The following OTUD7A variants were observed in gnomAD, a reference collection of about 807,000 sequenced individuals.
The protein encoded by OTUD7A is OTU domain-containing protein 7A.
Under a neutral mutation model 65.7 loss-of-function variants are expected in OTUD7A, and 12 were observed. That is an observed-to-expected ratio of 0.18 (90% CI 0.12 to 0.30). The LOEUF (loss-of-function observed/expected upper bound fraction) is 0.30, where lower values mean the gene tolerates loss of function less well. Ranked by LOEUF, OTUD7A falls within the 10% of genes least tolerant of loss-of-function variation. The probability of loss-of-function intolerance (pLI) is 1.00; values close to 1 mark genes in which losing one functional copy is unlikely to be tolerated. For missense variants in OTUD7A, 1,148 were observed against 1,304.8 expected (o/e 0.88, Z 1.85); for synonymous variants, 641 against 586.3 (o/e 1.09, Z -1.35).
At chr15:31,585,377 C>T (rs147771093) in intron 3 of OTUD7A, among the ~76,000 whole-genome samples, 10 of 152,334 alleles carry the variant, frequency 6.6e-5, no homozygotes, top group South Asian at 2.1e-4. Context: ...AGGTTAGCTG[C>T]GAGCAGAAAC....
At chr15:31,715,162 T>G (rs1893551157) in intron 1 of OTUD7A, among the ~76,000 whole-genome samples, 1 of 151,972 alleles carries the variant, frequency 6.6e-6, no homozygotes, top group African/African-American at 2.4e-5. Flanking sequence ...AAGATGTAAA[T>G]TATGTCACAT....
At chr15:31,500,797 T>C (rs912384177) in intron 10 of OTUD7A, among the ~76,000 whole-genome samples, 6 of 152,230 alleles carry the variant, frequency 3.9e-5, no homozygotes, top group African/African-American at 1.2e-4. Context: ...TCTGGGACCA[T>C]ACCTAATGGC....
intron 1 of OTUD7A, among the ~76,000 whole-genome samples, chr15:31,691,384 C>T (rs1480872203): frequency 2.0e-5 from 3 of 152,100 alleles, no homozygotes; most frequent in East Asian, 1.9e-4. Flanking sequence ...GGCATAGAAA[C>T]AGACACATCA....
chr15:31,523,034 A>C (rs2041959457), intron 8 of OTUD7A, among the ~76,000 whole-genome samples: 1 of 152,190 alleles, frequency 6.6e-6, no homozygotes, highest in South Asian at 2.1e-4. Flanking sequence ...GCTGGGATGA[A>C]TAAAGCCACC....
At chr15:31,504,563 C>T (rs942230192) in intron 8 of OTUD7A, among the ~76,000 whole-genome samples, 5 of 152,248 alleles carry the variant, frequency 3.3e-5, no homozygotes, top group African/African-American at 1.2e-4. Context: ...ACAGCCAGAG[C>T]TCACAGCGTT....
At chr15:31,715,257 T>TCA (rs1355731875) in intron 1 of OTUD7A, among the ~76,000 whole-genome samples, 2 of 149,982 alleles carry the variant, frequency 1.3e-5, no homozygotes, top group Non-Finnish European at 3.0e-5. Context: ...CTGTCCTGCC[T>TCA]CACTTCGCTG....
intron 3 of OTUD7A, among the ~76,000 whole-genome samples, chr15:31,619,698 T>C (rs1334324987): frequency 1.3e-5 from 2 of 152,118 alleles, no homozygotes; most frequent in African/African-American, 2.4e-5. Flanking sequence ...AGATATACAA[T>C]CATGTCATCT....
Position 31,518,175 on chromosome 15 carries a change from A to T in OTUD7A, c.893+8174T>A, listed in dbSNP as rs144577288. Among the ~76,000 whole-genome samples the T allele has an allele frequency of 3.3e-5, 5 of 152,178 alleles. No homozygotes were observed. In the East Asian group the frequency reaches 5.8e-4, roughly 18 times the overall value. On this transcript the variant is annotated intron_variant, in intron 8 of 12. Coordinates refer to ENST00000307050, the MANE Select transcript of OTUD7A (RefSeq NM_001382637.1). ...GTTGGTTTTTGGTGTACCCTTCCAT[A>T]AAAAAAGTAAGTGCAAGGCCAGGTG... is the stretch of plus-strand genomic sequence containing the variant.
At chr15:31,859,503 T>C (rs1256843643) in intron 1 of OTUD7A, among the ~76,000 whole-genome samples, 3 of 152,258 alleles carry the variant, frequency 2.0e-5, no homozygotes, top group Non-Finnish European at 4.4e-5. Context: ...GTAAAGGTTC[T>C]ACCAGTTCAC....
At chr15:31,518,501 G>A (rs2141108276) in intron 8 of OTUD7A, among the ~76,000 whole-genome samples, 1 of 152,170 alleles carries the variant, frequency 6.6e-6, no homozygotes, top group Admixed American at 6.5e-5. Context: ...GTGCACATCT[G>A]TGTGCACACA....
chr15:31,683,840 T>C (rs904680195), intron 1 of OTUD7A, among the ~76,000 whole-genome samples: 4 of 152,104 alleles, frequency 2.6e-5, no homozygotes, highest in African/African-American at 9.7e-5. Context: ...TTTTAAAAGG[T>C]TGGTTCTGAA....
At chr15:31,559,298 T>TTCA in intron 4 of OTUD7A, 111 bp from the exon 5 acceptor site, 1 of 1,033,258 alleles carries the variant, frequency 9.7e-7, no homozygotes, top group Non-Finnish European at 1.4e-6. Flanking sequence ...CAGGTACACA[T>TTCA]TCATGCACAC....
rs115763778 is a variant in OTUD7A, at chr15:31,686,747, A to T, written c.-99-29670T>A. Among the ~76,000 whole-genome samples, 948 of 152,328 alleles carry T rather than the reference A, an allele frequency of 6.2e-3. 11 individuals carry two copies. Among genetic ancestry groups the T allele is most frequent in the African/African-American group, 0.022 (903 of 41,568 alleles). ...TTGATATTGCCCCAGAAAGCAGAGG[A>T]ACCCCACAGGGCCATCCCTTCAAGC... On this transcript the variant is annotated intron_variant, in intron 1 of 12. Coordinates refer to ENST00000307050, the MANE Select transcript of OTUD7A (RefSeq NM_001382637.1).
At chr15:31,682,034 G>C (rs1342905146) in intron 1 of OTUD7A, among the ~76,000 whole-genome samples, 1 of 152,166 alleles carries the variant, frequency 6.6e-6, no homozygotes, top group Non-Finnish European at 1.5e-5. Flanking sequence ...AGGCTCTGAG[G>C]AAGTGACATC....
intron 1 of OTUD7A, among the ~76,000 whole-genome samples, chr15:31,726,683 C>T (rs1893898468): frequency 6.6e-6 from 1 of 152,224 alleles, no homozygotes; most frequent in African/African-American, 2.4e-5. Context: ...CAGGACACTT[C>T]AGTCATCAGT....
At position 31,642,182 on chromosome 15, in the gene OTUD7A, C is replaced by G. The variant is rs543263002; in HGVS notation, c.151+12914G>C. ...ATTTACTGAGATGATTGTATACCTT[C>G]TGTTTCTCAGTATGTTAATATGGAA... On this transcript the variant is annotated intron_variant, in intron 3 of 12. Transcript: ENST00000307050. 3.9e-4 allele frequency among the ~76,000 whole-genome samples: 59 copies of G among 152,196 alleles called. 1 individual carries two copies. The highest frequency in any genetic ancestry group is 6.8e-4 in the Non-Finnish European group (46 of 68,032).
At chr15:31,689,343 C>A (rs1396069322) in intron 1 of OTUD7A, 1 of 150,986 alleles carries the variant, frequency 6.6e-6, no homozygotes, top group Admixed American at 6.6e-5. Context: ...TAAGACCCCA[C>A]GAACACAGGA....
At chr15:31,809,071 G>A (rs983561214) in intron 1 of OTUD7A, among the ~76,000 whole-genome samples, 1 of 152,280 alleles carries the variant, frequency 6.6e-6, no homozygotes, top group Middle Eastern at 3.4e-3. Flanking sequence ...GAGGAAGCAG[G>A]CATAAGCACA....
At chr15:31,848,612 G>A (rs1323947772) in intron 1 of OTUD7A, among the ~76,000 whole-genome samples, 2 of 152,038 alleles carry the variant, frequency 1.3e-5, no homozygotes, top group Non-Finnish European at 2.9e-5. Flanking sequence ...CCTTCCCCTG[G>A]TCTGACTCAG....
Sources: gnomAD v4.1 joint callset for allele counts (sites outside exome capture counted in the v4.1 genomes callset) on GRCh38, gnomAD v4.1.1 for gene constraint, MANE v1.5 for transcripts, NCBI Gene and HGNC (gene_info 2026-07-23, HGNC 2026-07-21) for gene names.